MAP4: variants seen among roughly 807,000 people sequenced by gnomAD.
The protein encoded by MAP4 is microtubule-associated protein 4.
In MAP4, 76 loss-of-function variants were observed where a neutral mutation model predicts 170.2. That is an observed-to-expected ratio of 0.45 (90% CI 0.37 to 0.54). The LOEUF (loss-of-function observed/expected upper bound fraction) is 0.54. MAP4 is among the 20% of genes least tolerant of loss of function. The probability of loss-of-function intolerance (pLI) is 0.00; values close to 1 mark genes in which losing one functional copy is unlikely to be tolerated. For missense variants in MAP4, 2,506 were observed against 2,748.0 expected, an observed-to-expected ratio of 0.91 and a Z score of 1.97; for synonymous variants, 909 against 994.5, an observed-to-expected ratio of 0.91 and a Z score of 1.62.
In MAP4 at chr3:47,998,657, T is replaced by C. The variant is rs1318047329; in HGVS notation, c.204A>G (p.Ser68=). The C allele has an allele frequency of 6.2e-7, 1 of 1,614,030 alleles. No individual in the cohort carries two copies. The highest frequency in any genetic ancestry group is 2.2e-5 in the East Asian group (1 of 44,876). Residue 68 remains serine, a synonymous_variant, in exon 2 of 21, where the codon TCA becomes TCG. Transcript: ENST00000683076. ...ACTTACCTTCAATCTGGCTAGTTTCTGAGCACGGTTTCTTCTTTGACTCTG... is the reference window on the plus strand; with the variant it reads ...ACTTACCTTCAATCTGGCTAGTTTCCGAGCACGGTTTCTTCTTTGACTCTG... ...GNSESKKKPC[S]ETSQIEDTPS...
At chr3:48,062,287 T>C (rs1380289968) in intron 1 of MAP4, among the ~76,000 whole-genome samples, 1 of 152,074 alleles carries the variant, frequency 6.6e-6, no homozygotes, top group Non-Finnish European at 1.5e-5. Context: ...GTTAAACAGA[T>C]GCTTGAAGGC....
intron 17 of MAP4, among the ~76,000 whole-genome samples, chr3:47,863,589 G>A (rs1665982): frequency 0.21 from 31,359 of 151,752 alleles, 3,522 homozygotes; most frequent in Middle Eastern, 0.27. Context: ...GCTGCCTGCC[G>A]CTCTATGAGA....
At chr3:47,872,992 T>C (rs780145995) in intron 12 of MAP4, among the ~76,000 whole-genome samples, 4 of 152,220 alleles carry the variant, frequency 2.6e-5, no homozygotes, top group South Asian at 2.1e-4. Context: ...AAGCGTGAGC[T>C]GTAGCCCTAC....
At chr3:48,011,258 A>T (rs2100105090) in intron 1 of MAP4, among the ~76,000 whole-genome samples, 1 of 152,178 alleles carries the variant, frequency 6.6e-6, no homozygotes, top group African/African-American at 2.4e-5. Flanking sequence ...TGGACTTGGT[A>T]ATCCCAGCCT....
intron 1 of MAP4, among the ~76,000 whole-genome samples, chr3:48,005,406 G>A (rs541301996): frequency 6.6e-6 from 1 of 152,220 alleles, no homozygotes; most frequent in East Asian, 1.9e-4. Flanking sequence ...CAGCAATCTG[G>A]AGAACAGGCA....
intron 1 of MAP4, among the ~76,000 whole-genome samples, chr3:48,033,207 G>A (rs2100117068): frequency 6.6e-6 from 1 of 152,198 alleles, no homozygotes; most frequent in Admixed American, 6.5e-5. Flanking sequence ...TTATCATTCT[G>A]ATCATCATTT....
chr3:47,972,477 T>C (rs762028003), intron 3 of MAP4, among the ~76,000 whole-genome samples: 3 of 152,258 alleles, frequency 2.0e-5, no homozygotes, highest in Non-Finnish European at 4.4e-5. Flanking sequence ...TGGAATAACT[T>C]CTTCACACCT....
chr3:48,045,374 C>T (rs1459080464), intron 1 of MAP4, among the ~76,000 whole-genome samples: 3 of 151,714 alleles, frequency 2.0e-5, no homozygotes, highest in Non-Finnish European at 4.4e-5. Context: ...AGGAGGTGAG[C>T]GAAGGGCAGG....
At chr3:47,964,451 T>C (rs1286963429) in intron 3 of MAP4, among the ~76,000 whole-genome samples, 4 of 152,162 alleles carry the variant, frequency 2.6e-5, no homozygotes, top group Non-Finnish European at 4.4e-5. Context: ...CAGGACAGAA[T>C]TTCCATTTAA....
chr3:47,910,377 T>C lies in MAP4; in HGVS notation c.4044A>G (p.Ala1348=). 2.0e-6 allele frequency: 3 copies of C among 1,537,566 alleles called. No individual in the cohort carries two copies. The highest frequency in any genetic ancestry group is 2.6e-6 in the Non-Finnish European group (3 of 1,147,048). The change falls in exon 9 of 21, where the codon GCA becomes GCG. Residue 1348 remains alanine (A), a synonymous_variant. Transcript: ENST00000683076. ...CAGCCACTGCAGTGTATCTATTGGC[T>C]GCATCTGTCTTATTCTCCTCAGATA... ...SVVSEENKTD[A]ANRYTAVADK...
chr3:47,977,960 T>C (rs1281239489), intron 2 of MAP4, 27 bp from the exon 3 acceptor site: 1 of 1,503,830 alleles, frequency 6.6e-7, no homozygotes, highest in Non-Finnish European at 9.3e-7. Flanking sequence ...TAATTACCCA[T>C]TGTGACAGAC....
At chr3:47,963,315 C>A (rs2100072822) in intron 3 of MAP4, among the ~76,000 whole-genome samples, 1 of 152,210 alleles carries the variant, frequency 6.6e-6, no homozygotes, top group Non-Finnish European at 1.5e-5. Flanking sequence ...CTAATATCAT[C>A]TTACATTTAA....
intron 3 of MAP4, among the ~76,000 whole-genome samples, chr3:47,970,142 C>T (rs887621658): frequency 1.3e-5 from 2 of 152,162 alleles, no homozygotes; most frequent in African/African-American, 4.8e-5. Flanking sequence ...AAGCCCTTGC[C>T]TCAATATGGA....
chr3:47,888,563 C>G (rs1484220006), intron 10 of MAP4, among the ~76,000 whole-genome samples: 1 of 152,102 alleles, frequency 6.6e-6, no homozygotes, highest in Non-Finnish European at 1.5e-5. Context: ...GGAAGAAACT[C>G]CGAACACATC....
chr3:48,035,528 G>T (rs765766857), intron 1 of MAP4, among the ~76,000 whole-genome samples: 1 of 152,068 alleles, frequency 6.6e-6, no homozygotes, highest in Admixed American at 6.6e-5. Flanking sequence ...CAGCTACTCA[G>T]GAGGCTGAGG....
At chr3:47,978,911 T>C (rs2100083766) in intron 2 of MAP4, among the ~76,000 whole-genome samples, 1 of 152,150 alleles carries the variant, frequency 6.6e-6, no homozygotes, top group Non-Finnish European at 1.5e-5. Context: ...TTTCTTATTA[T>C]TGAGTTTTGA....
At chr3:47,885,613 T>C (rs1006361157) in intron 10 of MAP4, among the ~76,000 whole-genome samples, 2 of 152,212 alleles carry the variant, frequency 1.3e-5, no homozygotes, top group African/African-American at 4.8e-5. Context: ...CACTTTGTAC[T>C]TTTTGATGTT....
At chr3:47,862,986 T>G (rs554436674) in intron 17 of MAP4, among the ~76,000 whole-genome samples, 1 of 152,130 alleles carries the variant, frequency 6.6e-6, no homozygotes, top group South Asian at 2.1e-4. Flanking sequence ...TTTTGGTTTT[T>G]GTTTTTTGAG....
chr3:47,877,388 T>C (rs751346062), intron 11 of MAP4, 29 bp downstream of exon 11: 7 of 1,520,984 alleles, frequency 4.6e-6, no homozygotes, highest in Non-Finnish European at 6.4e-6. Context: ...ATTATGGCAG[T>C]AGAAGATAAC....
Sources: allele counts gnomAD v4.1 joint callset (sites outside exome capture counted in the v4.1 genomes callset), GRCh38; gene constraint gnomAD v4.1.1; transcripts MANE v1.5; gene names NCBI Gene and HGNC (gene_info 2026-07-23, HGNC 2026-07-21).